Variants in ADGRB2 observed in about 807,000 individuals in gnomAD.
ADGRB2 encodes brain-specific angiogenesis inhibitor 2.
Under a neutral mutation model 178.7 loss-of-function variants are expected in ADGRB2, and 47 were observed. The observed-to-expected ratio is 0.26, with a 90% CI of 0.21 to 0.34. ADGRB2 has a LOEUF of 0.34. Ranked by LOEUF, ADGRB2 falls within the 10% of genes least tolerant of loss-of-function variation. The pLI is 1.00. For missense variants in ADGRB2, 1,584 were observed against 2,180.8 expected (o/e 0.73, Z 5.45); for synonymous variants, 870 against 912.4 (o/e 0.95, Z 0.84).
intron 29 of ADGRB2, among the ~76,000 whole-genome samples, chr1:31,730,497 C>A (rs1352796322): frequency 6.6e-6 from 1 of 152,218 alleles, no homozygotes; most frequent in Non-Finnish European, 1.5e-5. Flanking sequence ...CAGGCTCACA[C>A]ATTGCCTGAG....
In ADGRB2 at chr1:31,740,140, T is replaced by C; in HGVS notation, c.2028A>G (p.Glu676=). The C allele has an allele frequency of 6.2e-7, 1 of 1,614,112 alleles. No individual in the cohort carries two copies. Among genetic ancestry groups the C allele is most frequent in the Non-Finnish European group, 8.5e-7 (1 of 1,180,018 alleles). ...GAGCATCGTCCCACTTCTCCTTGTT[T>C]TCCGCATCCACCATGAAGCTCACCA... ...FQVVSFMVDA[E]NKEKWDDAQQ... Residue 676 remains glutamate (E), a synonymous_variant, in exon 13 of 33, where the codon GAA becomes GAG. Transcript: ENST00000373658. The surrounding 1 kb of genome is among the most constrained non-coding windows in gnomAD (Gnocchi z 5.9).
Position 31,732,497 on chromosome 1 carries a change from T to TGCCCAGGCCCC in ADGRB2, c.3720+9_3720+19dup. ...GGGTGCCCAGAATCTGCCCAGGCCCTGCCCAGGCCCCTAACTCACCAGGAT... is the reference window on the plus strand; with the variant it reads ...GGGTGCCCAGAATCTGCCCAGGCCCTGCCCAGGCCCCGCCCAGGCCCCTAACTCACCAGGAT... On this transcript the variant is annotated intron_variant, in intron 27 of 32. Coordinates refer to ENST00000373658, the MANE Select transcript of ADGRB2 (RefSeq NM_001364857.2). 6.2e-7 allele frequency: 1 copy of TGCCCAGGCCCC among 1,613,630 alleles called. No homozygotes were observed. The highest frequency in any genetic ancestry group is 1.7e-5 in the Admixed American group (1 of 60,010).
intron 18 of ADGRB2, 73 bp from the exon 19 acceptor site, chr1:31,737,828 C>A: frequency 7.4e-7 from 1 of 1,342,834 alleles, no homozygotes. Context: ...GTCCCCTCAT[C>A]TACCATAGAC....
At position 31,741,731 on chromosome 1, in the gene ADGRB2, G is replaced by A; in HGVS notation, c.1586-6C>T. ...CCTGCACATCTCATGGAAGGCTGTG[G>A]GTGCAGGGGTAAGGTTCAGCTGGGT... On this transcript the variant is annotated splice_polypyrimidine_tract_variant and splice_region_variant and intron_variant, in intron 9 of 32. Coordinates refer to ENST00000373658, the MANE Select transcript of ADGRB2 (RefSeq NM_001364857.2). This position sits in a 1 kb window ranked among gnomAD's most constrained non-coding sequence, Gnocchi z 6.5. 1 of 1,611,670 alleles carries A rather than the reference G, an allele frequency of 6.2e-7. No individual in the cohort carries two copies. The highest frequency in any genetic ancestry group is 1.1e-5 in the South Asian group (1 of 90,922).
chr1:31,755,608 G>A lies in ADGRB2; in HGVS notation c.838+391C>T, dbSNP rs750917215. Among the ~76,000 whole-genome samples the A allele has an allele frequency of 6.6e-6, 1 of 151,998 alleles. No individual in the cohort carries two copies. The highest frequency in any genetic ancestry group is 6.5e-5 in the Admixed American group (1 of 15,268). ...AACTTGCAGCGCCAGGGCCTGCCAC[G>A]ATCATTCCCAGCCTTGGGCCTTTGT... On this transcript the variant is annotated intron_variant, in intron 4 of 32. Transcript: ENST00000373658. This position sits in a 1 kb window ranked among gnomAD's most constrained non-coding sequence, Gnocchi z 5.1.
rs1285218294 is a variant in ADGRB2, at chr1:31,754,677, G to A, written c.838+1322C>T. Among the ~76,000 whole-genome samples, 1 of 152,238 alleles carries A rather than the reference G, an allele frequency of 6.6e-6. No homozygotes were observed. Among genetic ancestry groups the A allele is most frequent in the Non-Finnish European group, 1.5e-5 (1 of 68,042 alleles). Reference sequence around the variant, plus strand: ...GGCACTTGCCGTGGATGGGCACGATGTCAGATGTCTCATTGGAGAAGCCAA... The same window carrying A: ...GGCACTTGCCGTGGATGGGCACGATATCAGATGTCTCATTGGAGAAGCCAA... On this transcript the variant is annotated intron_variant, in intron 4 of 32. Coordinates refer to ENST00000373658, the MANE Select transcript of ADGRB2 (RefSeq NM_001364857.2). This position sits in a 1 kb window ranked among gnomAD's most constrained non-coding sequence, Gnocchi z 5.7.
rs755362382 is a variant in ADGRB2 at position 31,739,984 on chromosome 1, G to A, written c.2109C>T (p.His703=). ...HLLRVVEDFI[H]LVGDALKAFQ... ...AGGCCTTGAGAGCATCGCCCACCAG[G>A]TGAATGAAGTCCTCCACGACACGGA... Residue 703 remains histidine, a synonymous_variant, in exon 14 of 33, where the codon CAC becomes CAT. Coordinates refer to ENST00000373658, the MANE Select transcript of ADGRB2 (RefSeq NM_001364857.2). 1.4e-5 allele frequency: 23 copies of A among 1,614,038 alleles called. No individual in the cohort carries two copies. The highest frequency in any genetic ancestry group is 3.3e-4 in the Middle Eastern group (2 of 6,084).
Position 31,744,641 on chromosome 1 carries a change from G to C in ADGRB2, c.922+7C>G. ...GCCGCAGAGGAAGGGAGGCGGGCCC[G>C]AGTTACCTGTCTGCGCCATGTATAG... On this transcript the variant is annotated splice_region_variant and intron_variant, in intron 5 of 32. Coordinates refer to ENST00000373658, the MANE Select transcript of ADGRB2 (RefSeq NM_001364857.2). The surrounding 1 kb of genome is among the most constrained non-coding windows in gnomAD (Gnocchi z 6.7). 1.2e-6 allele frequency: 2 copies of C among 1,613,896 alleles called. No individual in the cohort carries two copies. Among genetic ancestry groups the C allele is most frequent in the Non-Finnish European group, 1.7e-6 (2 of 1,179,898 alleles).
At chr1:31,748,618 C>T (rs1008350029) in intron 4 of ADGRB2, among the ~76,000 whole-genome samples, 1 of 152,264 alleles carries the variant, frequency 6.6e-6, no homozygotes, top group African/African-American at 2.4e-5. Flanking sequence ...TGAGTACCCC[C>T]AAGAACTCCT....
rs1489165574 is a variant in ADGRB2, at chr1:31,763,964, GGGACC to G, written c.-276_-272del. On this transcript the variant is annotated 5_prime_UTR_variant, in exon 1 of 33. Transcript: ENST00000373658. The stretch of plus-strand genomic sequence containing the variant: ...GCGCAAGTTTGCCATCCCTAAGTCG[GGGACC>G]GGGCCGGGCGCAGGGTAGGTAGCTG... 2.0e-6 allele frequency: 2 copies of G among 984,974 alleles called. No individual in the cohort carries two copies. Among genetic ancestry groups the G allele is most frequent in the Non-Finnish European group, 1.2e-6 (1 of 829,836 alleles). 61.0% of individuals were successfully genotyped at this position (984,974 alleles called of 1,614,324 possible).
rs1645400859 is a variant in ADGRB2 at position 31,733,425 on chromosome 1, G to T, written c.3453-282C>A. Among the ~76,000 whole-genome samples the T allele has an allele frequency of 6.6e-6, 1 of 152,328 alleles. No individual in the cohort carries two copies. The highest frequency in any genetic ancestry group is 2.4e-5 in the African/African-American group (1 of 41,576). On this transcript the variant is annotated intron_variant, in intron 25 of 32. Transcript: ENST00000373658. The surrounding 1 kb of genome is among the most constrained non-coding windows in gnomAD (Gnocchi z 4.3). ...GACCGAGCCACAGACAGTGGAAAGG[G>T]ACGGGGAGAGAGAAGAGGAGGCAGA...
rs1440575742 is a variant in ADGRB2 at position 31,731,389 on chromosome 1, G to A, written c.3791C>T (p.Pro1264Leu). The A allele has an allele frequency of 1.2e-6, 2 of 1,608,462 alleles. No individual in the cohort carries two copies. The highest frequency in any genetic ancestry group is 8.5e-7 in the Non-Finnish European group (1 of 1,177,580). Residue 1264 changes from proline to leucine, a missense_variant, in exon 29 of 33, where the codon CCG becomes CTG. Transcript: ENST00000373658. ...VLFKEVNTCN[P>L]STITGTLSRL... ...GGATAGTGTGCCCGTGATGGTGGAC[G>A]GGTTGCAAGTGTTGACCTCCTTGAA...
rs758325638 is a variant in ADGRB2 at position 31,740,177 on chromosome 1, C to T, written c.1991G>A (p.Arg664His). 1.4e-5 allele frequency: 22 copies of T among 1,613,944 alleles called. No homozygotes were observed. The highest frequency in any genetic ancestry group is 1.9e-5 in the Non-Finnish European group (22 of 1,180,018). Residue 664 changes from arginine (R) to histidine (H), a missense_variant and splice_region_variant, in exon 13 of 33, where the codon CGC (arginine) becomes CAC (histidine). Coordinates refer to ENST00000373658, the MANE Select transcript of ADGRB2 (RefSeq NM_001364857.2). This position sits in a 1 kb window ranked among gnomAD's most constrained non-coding sequence, Gnocchi z 5.9. ...CATGAAGCTCACCACCTGGAAGAAG[C>T]GCTGAGGAGAGAGCAATGAGTGGCA... ...TYVPSADDVQ[R>H]FFQVVSFMVD...
intron 28 of ADGRB2, 70 bp downstream of exon 28, chr1:31,732,045 G>C: frequency 3.1e-6 from 5 of 1,596,424 alleles, no homozygotes; most frequent in Non-Finnish European, 3.4e-6. Context: ...GGCCTCCCAT[G>C]ATGGGGCTCA....
At chr1:31,737,572 C>A (rs1645685252) in intron 19 of ADGRB2, 41 bp from the exon 20 acceptor site, 3 of 1,611,392 alleles carry the variant, frequency 1.9e-6, no homozygotes, top group Non-Finnish European at 2.5e-6. Flanking sequence ...CGCTGGCTGC[C>A]CCATCCGACC....
chr1:31,757,719 C>A (rs1427995311), intron 1 of ADGRB2, among the ~76,000 whole-genome samples: 1 of 152,176 alleles, frequency 6.6e-6, no homozygotes, highest in East Asian at 1.9e-4. Flanking sequence ...TGCTACCCCA[C>A]CCCCCACTAC....
intron 4 of ADGRB2, among the ~76,000 whole-genome samples, chr1:31,750,003 G>A (rs1009756035): frequency 6.6e-6 from 1 of 152,092 alleles, no homozygotes; most frequent in African/African-American, 2.4e-5. Context: ...AAAGGGAGAT[G>A]TAACCCCTTT....
rs761126866 is a variant in ADGRB2 at position 31,735,935 on chromosome 1, TC to T, written c.3201-43del. The T allele has an allele frequency of 2.0e-6, 3 of 1,532,668 alleles. No individual in the cohort carries two copies. Among genetic ancestry groups the T allele is most frequent in the African/African-American group, 1.4e-5 (1 of 72,648 alleles). The allele number at this position is 1,532,668 out of a possible 1,614,324, so 94.9% of individuals were successfully genotyped here. ...GAAGGGTGTCAGACACCCAGCAGCC[TC>T]CCTCCCCACCCTCAAACACCATCCC... is the stretch of plus-strand genomic sequence containing the variant. On this transcript the variant is annotated intron_variant, in intron 22 of 32. Coordinates refer to ENST00000373658, the MANE Select transcript of ADGRB2 (RefSeq NM_001364857.2). This position sits in a 1 kb window ranked among gnomAD's most constrained non-coding sequence, Gnocchi z 6.0.
At position 31,755,597 on chromosome 1, in the gene ADGRB2, G is replaced by A. The variant is rs1646791079; in HGVS notation, c.838+402C>T. Among the ~76,000 whole-genome samples the A allele has an allele frequency of 6.6e-6, 1 of 152,046 alleles. No homozygotes were observed. Among genetic ancestry groups the A allele is most frequent in the African/African-American group, 2.4e-5 (1 of 41,402 alleles). On this transcript the variant is annotated intron_variant, in intron 4 of 32. Transcript: ENST00000373658. This position sits in a 1 kb window ranked among gnomAD's most constrained non-coding sequence, Gnocchi z 5.1. ...GCAAACTTGTCAACTTGCAGCGCCA[G>A]GGCCTGCCACGATCATTCCCAGCCT...
Sources: gnomAD v4.1 joint callset for allele counts (sites outside exome capture counted in the v4.1 genomes callset) on GRCh38, gnomAD v4.1.1 for gene constraint, Gnocchi (gnomAD v3.1) non-coding constraint, MANE v1.5 for transcripts, NCBI Gene and HGNC (gene_info 2026-07-23, HGNC 2026-07-21) for gene names.